The following CADM2 variants were observed in gnomAD, a reference collection of about 807,000 sequenced individuals.
CADM2 encodes the protein immunoglobulin superfamily member 4D.
A neutral mutation model predicts 49.8 loss-of-function variants in CADM2; 12 were observed. That is an observed-to-expected ratio of 0.24 (90% CI 0.15 to 0.39). The LOEUF (loss-of-function observed/expected upper bound fraction) is 0.39. Among genes scored for constraint, CADM2 ranks in the 10% least tolerant of loss-of-function variants. CADM2 has a pLI of 1.00. For missense variants in CADM2, 378 were observed against 492.3 expected (o/e 0.77, Z 2.20); for synonymous variants, 214 against 175.4 (o/e 1.22, Z -1.74).
chr3:85,468,175 A>G, intron 1 of CADM2, among the ~76,000 whole-genome samples: 1 of 151,316 alleles, frequency 6.6e-6, no homozygotes, highest in Non-Finnish European at 1.5e-5. Context: ...AAAAAAAAAA[A>G]AAAAAACATT....
chr3:85,076,303 TTGTGTGTGTG>T (rs71108205), intron 1 of CADM2, among the ~76,000 whole-genome samples: 2 of 139,254 alleles, frequency 1.4e-5, no homozygotes, highest in Non-Finnish European at 1.5e-5. Flanking sequence ...AAAAAAGAAA[TTGTGTGTGTG>T]TGTGTGTGTG....
intron 1 of CADM2, among the ~76,000 whole-genome samples, chr3:85,668,295 C>CAAAAA (rs11447925): frequency 2.4e-5 from 2 of 81,742 alleles, no homozygotes; most frequent in Non-Finnish European, 5.0e-5. Context: ...AGTACCAAAG[C>CAAAAA]AAAAAAAAAA....
chr3:85,296,798 T>C (rs1391191588), intron 1 of CADM2, among the ~76,000 whole-genome samples: 1 of 152,134 alleles, frequency 6.6e-6, no homozygotes, highest in East Asian at 1.9e-4. Flanking sequence ...ACATGATTTC[T>C]TCCAAACAGA....
intron 3 of CADM2, among the ~76,000 whole-genome samples, chr3:85,855,596 AT>A (rs2075278133): frequency 8.4e-5 from 9 of 107,132 alleles, no homozygotes; most frequent in South Asian, 2.9e-4. Context: ...ATATATATAT[AT>A]AAAACATATA....
intron 1 of CADM2, among the ~76,000 whole-genome samples, chr3:85,174,852 C>T (rs2040733916): frequency 6.6e-6 from 1 of 152,102 alleles, no homozygotes; most frequent in Non-Finnish European, 1.5e-5. Flanking sequence ...TCATTTGTGT[C>T]ATACGTTTTA....
intron 1 of CADM2, among the ~76,000 whole-genome samples, chr3:85,471,590 C>T (rs1296735659): frequency 6.6e-6 from 1 of 151,914 alleles, no homozygotes; most frequent in Non-Finnish European, 1.5e-5. Flanking sequence ...TTTCCTAAGA[C>T]TTTTCATCTT....
intron 4 of CADM2, among the ~76,000 whole-genome samples, chr3:85,884,529 G>T (rs551546783): frequency 4.9e-4 from 74 of 152,094 alleles, no homozygotes; most frequent in South Asian, 8.3e-4. Flanking sequence ...GAGCCAATTT[G>T]AAATCCAAAG....
intron 1 of CADM2, among the ~76,000 whole-genome samples, chr3:84,984,046 T>TAC (rs569971907): frequency 0.088 from 10,155 of 115,310 alleles, 427 homozygotes; most frequent in Non-Finnish European, 0.13. Context: ...TATATATATA[T>TAC]ATACACACAC....
chr3:85,158,668 A>G lies in CADM2; in HGVS notation c.61+199000A>G, dbSNP rs148482045. Among the ~76,000 whole-genome samples the G allele has an allele frequency of 8.1e-3, 1,228 of 152,192 alleles. 19 individuals are homozygous for G. Among genetic ancestry groups the G allele is most frequent in the African/African-American group, 0.028 (1,169 of 41,524 alleles). On this transcript the variant is annotated intron_variant, in intron 1 of 9. Coordinates refer to ENST00000383699, the MANE Select transcript of CADM2 (RefSeq NM_001167675.2). ...AGAACACATGGACACAGGAAGGGAAACATCACACTCTGGGGATTGTTGTGG... is the reference window on the plus strand; with the variant it reads ...AGAACACATGGACACAGGAAGGGAAGCATCACACTCTGGGGATTGTTGTGG...
At chr3:85,428,446 A>G (rs193220258) in intron 1 of CADM2, among the ~76,000 whole-genome samples, 1 of 145,258 alleles carries the variant, frequency 6.9e-6, no homozygotes, top group East Asian at 2.0e-4. Context: ...ATATAGATAT[A>G]TATGATATAT....
At chr3:85,933,983 A>C (rs570470187) in intron 6 of CADM2, among the ~76,000 whole-genome samples, 1 of 152,068 alleles carries the variant, frequency 6.6e-6, no homozygotes, top group African/African-American at 2.4e-5. Flanking sequence ...TCCAAAAAAC[A>C]TCCTCGCATT....
intron 1 of CADM2, among the ~76,000 whole-genome samples, chr3:84,992,741 A>T (rs185471564): frequency 1.6e-4 from 24 of 152,304 alleles, no homozygotes; most frequent in Admixed American, 7.2e-4. Flanking sequence ...GCTACTAACT[A>T]GTAAGAGCAT....
At chr3:85,159,741 C>T (rs1042922500) in intron 1 of CADM2, among the ~76,000 whole-genome samples, 9 of 152,168 alleles carry the variant, frequency 5.9e-5, no homozygotes, top group African/African-American at 1.2e-4. Context: ...GGTTCCATGA[C>T]GAATTTTACA....
At chr3:85,424,459 C>G (rs1434370267) in intron 1 of CADM2, among the ~76,000 whole-genome samples, 1 of 151,978 alleles carries the variant, frequency 6.6e-6, no homozygotes, top group African/African-American at 2.4e-5. Context: ...CATAAAACTA[C>G]TATTCTTAGT....
intron 2 of CADM2, among the ~76,000 whole-genome samples, chr3:85,742,074 A>G (rs1006447232): frequency 6.6e-6 from 1 of 152,246 alleles, no homozygotes; most frequent in Non-Finnish European, 1.5e-5. Context: ...GTTTTCCAGC[A>G]GTACCTAACG....
At chr3:85,511,256 A>C (rs1460686653) in intron 1 of CADM2, among the ~76,000 whole-genome samples, 2 of 152,136 alleles carry the variant, frequency 1.3e-5, no homozygotes, top group African/African-American at 4.8e-5. Flanking sequence ...TCTGTAAAAC[A>C]GAACAATTTA....
intron 3 of CADM2, among the ~76,000 whole-genome samples, chr3:85,843,870 G>A (rs968756495): frequency 6.6e-6 from 1 of 151,124 alleles, no homozygotes; most frequent in African/African-American, 2.5e-5. Flanking sequence ...TTCAGAAAGT[G>A]CAGTTTCATG....
At chr3:86,058,234 T>C (rs371065432) in intron 8 of CADM2, among the ~76,000 whole-genome samples, 11 of 152,298 alleles carry the variant, frequency 7.2e-5, no homozygotes, top group African/African-American at 2.6e-4. Context: ...GTTCACAGTT[T>C]TCACATGGAG....
At chr3:85,791,521 G>GGAGAGAGAGAGAGAGAGAGAGAAAGAGA (rs1170873944) in intron 2 of CADM2, among the ~76,000 whole-genome samples, 2 of 131,296 alleles carry the variant, frequency 1.5e-5, no homozygotes, top group Non-Finnish European at 3.2e-5. Flanking sequence ...GGGTGGGGAG[G>GGAGAGAGAGAGAGAGAGAGAGAAAGAGA]GAGAGAGAGA....
Sources: gnomAD v4.1 joint callset for allele counts (sites outside exome capture counted in the v4.1 genomes callset) on GRCh38, gnomAD v4.1.1 for gene constraint, MANE v1.5 for transcripts, NCBI Gene and HGNC (gene_info 2026-07-23, HGNC 2026-07-21) for gene names.